Variants in EDEM3 observed in about 807,000 individuals in gnomAD.
The protein encoded by EDEM3 is ER degradation enhancing alpha-mannosidase like protein 3, also known as ER degradation-enhancing alpha-mannosidase-like protein 3.
A neutral mutation model predicts 110.2 loss-of-function variants in EDEM3; 60 were observed. The ratio of observed to expected loss-of-function variants is 0.54; its 90% CI spans 0.44 to 0.67. The LOEUF (loss-of-function observed/expected upper bound fraction) is 0.67. EDEM3 is among the 30% of genes least tolerant of loss of function. The probability of loss-of-function intolerance (pLI) is 0.00; values close to 1 mark genes in which losing one functional copy is unlikely to be tolerated. For missense variants in EDEM3, 996 were observed against 1,121.0 expected (o/e 0.89, Z 1.59); for synonymous variants, 352 against 382.9 (o/e 0.92, Z 0.94).
intron 2 of EDEM3, among the ~76,000 whole-genome samples, chr1:184,743,161 C>A (rs1303967293): frequency 6.6e-6 from 1 of 152,082 alleles, no homozygotes; most frequent in East Asian, 1.9e-4. Flanking sequence ...CTCTTTGTTT[C>A]AAGATTAAGA....
intron 2 of EDEM3, among the ~76,000 whole-genome samples, chr1:184,745,998 T>G (rs1001026059): frequency 1.3e-5 from 2 of 152,198 alleles, no homozygotes; most frequent in Non-Finnish European, 2.9e-5. Context: ...CTAAAGTGAC[T>G]GTGGCCTGGG....
intron 2 of EDEM3, among the ~76,000 whole-genome samples, chr1:184,742,720 G>A (rs1053510013): frequency 1.3e-5 from 2 of 152,130 alleles, no homozygotes; most frequent in African/African-American, 4.8e-5. Context: ...CTTTTCATGT[G>A]TCAAATTCCT....
intron 13 of EDEM3, among the ~76,000 whole-genome samples, chr1:184,713,578 GT>G (rs139066265): frequency 0.019 from 2,931 of 152,262 alleles, 84 homozygotes; most frequent in African/African-American, 0.066. Context: ...TACTGGACAA[GT>G]TGCACAATTT....
chr1:184,717,759 T>A, intron 11 of EDEM3, 136 bp from the exon 12 acceptor site: 2 of 540,740 alleles, frequency 3.7e-6, no homozygotes, highest in Non-Finnish European at 3.0e-6. Flanking sequence ...AAAACATCAA[T>A]TTTCATTGCT....
At chr1:184,702,256 A>C (rs1399315299) in intron 19 of EDEM3, among the ~76,000 whole-genome samples, 1 of 152,190 alleles carries the variant, frequency 6.6e-6, no homozygotes. Context: ...ATAAATTAAG[A>C]CATGCTATCT....
chr1:184,746,745 C>T (rs1309659337), intron 2 of EDEM3, among the ~76,000 whole-genome samples: 5 of 152,110 alleles, frequency 3.3e-5, no homozygotes, highest in Non-Finnish European at 1.5e-5. Flanking sequence ...AACACCACTG[C>T]TTTCCTGGGA....
At chr1:184,738,917 G>A (rs1651979675) in intron 2 of EDEM3, among the ~76,000 whole-genome samples, 1 of 151,898 alleles carries the variant, frequency 6.6e-6, no homozygotes, top group Non-Finnish European at 1.5e-5. Context: ...TGGCTTTCAA[G>A]CATGCTTAAA....
chr1:184,753,414 T>C (rs1023391784), intron 1 of EDEM3, among the ~76,000 whole-genome samples: 6 of 152,062 alleles, frequency 3.9e-5, no homozygotes, highest in African/African-American at 1.4e-4. Flanking sequence ...GCACTTTTTT[T>C]TTTTTTTTTC....
chr1:184,708,233 C>T lies in EDEM3; in HGVS notation c.1957G>A (p.Val653Ile). The T allele has an allele frequency of 6.2e-7, 1 of 1,613,694 alleles. No homozygotes were observed. The highest frequency in any genetic ancestry group is 8.5e-7 in the Non-Finnish European group (1 of 1,179,840). Reference protein sequence around the residue: ...QQLPPRAVQIVSHPFFGRVVL... With the variant: ...QQLPPRAVQIISHPFFGRVVL... Reference sequence around the variant, plus strand: ...ACCCTGCCAAAAAATGGGTGGGAAACAATTTGTACAGCTCGTGGAGGCAGC... The same window carrying T: ...ACCCTGCCAAAAAATGGGTGGGAAATAATTTGTACAGCTCGTGGAGGCAGC... Residue 653 changes from valine (V) to isoleucine (I), a missense_variant, in exon 17 of 20, where the codon GTT becomes ATT. Physicochemically the swap from Val to Ile is conservative, Grantham distance 29 (BLOSUM62 3). Around this residue, in one of 5 missense-constraint regions of EDEM3, gnomAD observed 345 missense variants for 402.0 expected, o/e 0.86. Transcript: ENST00000318130.
At chr1:184,709,983 G>A (rs1018858379) in intron 16 of EDEM3, among the ~76,000 whole-genome samples, 1 of 152,088 alleles carries the variant, frequency 6.6e-6, no homozygotes, top group Admixed American at 6.5e-5. Flanking sequence ...TACCTATGAT[G>A]AACAAAATAC....
chr1:184,714,057 ACTT>A (rs1484767177), intron 13 of EDEM3, among the ~76,000 whole-genome samples: 1 of 152,236 alleles, frequency 6.6e-6, no homozygotes, highest in African/African-American at 2.4e-5. Context: ...TCTGCAATAC[ACTT>A]ATCATAATTC....
intron 2 of EDEM3, among the ~76,000 whole-genome samples, chr1:184,748,560 C>A (rs887378598): frequency 6.6e-6 from 1 of 151,888 alleles, no homozygotes; most frequent in African/African-American, 2.4e-5. Context: ...CAAAAAAAAT[C>A]ATATCCTAAA....
chr1:184,732,667 T>C, intron 6 of EDEM3, 170 bp downstream of exon 6: 3 of 658,000 alleles, frequency 4.6e-6, no homozygotes, highest in Non-Finnish European at 7.3e-6. Flanking sequence ...TCACATCACT[T>C]AGAAGTATAA....
intron 19 of EDEM3, among the ~76,000 whole-genome samples, chr1:184,700,108 G>C (rs1210401493): frequency 6.6e-6 from 1 of 151,922 alleles, no homozygotes; most frequent in Non-Finnish European, 1.5e-5. Flanking sequence ...TTTGACCTAA[G>C]GAAGCAACAT....
chr1:184,740,407 CATGAT>C (rs1379225630), intron 2 of EDEM3, among the ~76,000 whole-genome samples: 1 of 152,162 alleles, frequency 6.6e-6, no homozygotes, highest in Non-Finnish European at 1.5e-5. Flanking sequence ...TTTCAGTTAT[CATGAT>C]ATATTAACTG....
intron 8 of EDEM3, 141 bp downstream of exon 8, chr1:184,723,610 T>C (rs1651020246): frequency 1.4e-6 from 1 of 700,976 alleles, no homozygotes; most frequent in East Asian, 3.1e-5. Flanking sequence ...AAAATCTGGC[T>C]AAATTAATTA....
intron 7 of EDEM3, among the ~76,000 whole-genome samples, chr1:184,725,189 A>G (rs1440938016): frequency 6.6e-6 from 1 of 152,068 alleles, no homozygotes; most frequent in Non-Finnish European, 1.5e-5. Flanking sequence ...TTTTTTTTAA[A>G]TCATGACTTT....
At chr1:184,723,982 T>A (rs1558057734) in intron 7 of EDEM3, 126 bp from the exon 8 acceptor site, 1 of 665,624 alleles carries the variant, frequency 1.5e-6, no homozygotes, top group Non-Finnish European at 2.4e-6. Flanking sequence ...TAGGTTAAAT[T>A]TCTAAGATAA....
intron 16 of EDEM3, among the ~76,000 whole-genome samples, chr1:184,709,108 A>G (rs1249434260): frequency 2.6e-5 from 4 of 152,180 alleles, no homozygotes; most frequent in Non-Finnish European, 2.9e-5. Flanking sequence ...CTATCCTGAA[A>G]TTTCCAGCTT....
Sources: allele counts gnomAD v4.1 joint callset (sites outside exome capture counted in the v4.1 genomes callset), GRCh38; gene constraint gnomAD v4.1.1; regional missense constraint gnomAD v4.1.1; transcripts MANE v1.5; gene names NCBI Gene and HGNC (gene_info 2026-07-23, HGNC 2026-07-21).